ZNF550: variants seen among roughly 807,000 people sequenced by gnomAD.
The protein encoded by ZNF550 is zinc finger protein 550.
Under a neutral mutation model 40.2 loss-of-function variants are expected in ZNF550, and 42 were observed. That is an observed-to-expected ratio of 1.05 (90% CI 0.82 to 1.35). The LOEUF (loss-of-function observed/expected upper bound fraction) is 1.35. Ranked by LOEUF, ZNF550 falls within the 40% of genes most tolerant of loss-of-function variation. ZNF550 has a pLI of 0.00. For missense variants in ZNF550, 549 were observed against 525.2 expected, an observed-to-expected ratio of 1.05 and a Z score of -0.44; for synonymous variants, 223 against 198.6, an observed-to-expected ratio of 1.12 and a Z score of -1.03.
At chr19:57,559,715 A>T (rs1481275958) in exon 1 of ZNF550, 3 of 1,456,894 alleles carry the variant, frequency 2.1e-6, no homozygotes, top group Non-Finnish European at 2.7e-6. Context: ...CGCGTGGGGC[A>T]GCTCCCACGG....
chr19:57,547,600 T>C, exon 4 of ZNF550: 1 of 1,614,174 alleles, frequency 6.2e-7, no homozygotes, highest in Non-Finnish European at 8.5e-7. Context: ...GAGATACCAC[T>C]TCCTGTTAAA....
At chr19:57,543,071 C>G (rs895189524) in exon 5 of ZNF550, 3 of 208,506 alleles carry the variant, frequency 1.4e-5, no homozygotes, top group Admixed American at 1.3e-4. Context: ...CTATTAATTC[C>G]CTACACTCTT....
exon 4 of ZNF550, chr19:57,546,716 C>A (rs1057143084): frequency 1.8e-5 from 22 of 1,226,984 alleles, no homozygotes; most frequent in Admixed American, 7.5e-5. Flanking sequence ...TTCCACATTT[C>A]CCCCTGGTAT....
chr19:57,553,456 ACT>A (rs1156606398), intron 2 of ZNF550: 1 of 151,852 alleles, frequency 6.6e-6, no homozygotes, highest in Admixed American at 6.6e-5. Context: ...ACAGAGTCTC[ACT>A]CTGTTGCCCA....
intron 1 of ZNF550, among the ~76,000 whole-genome samples, chr19:57,558,568 G>C (rs1350146076): frequency 6.6e-6 from 1 of 152,124 alleles, no homozygotes; most frequent in East Asian, 1.9e-4. Context: ...TCCTAAACAG[G>C]CAACTAAATA....
intron 4 of ZNF550, chr19:57,544,538 A>C (rs2089991033): frequency 1.0e-6 from 1 of 985,300 alleles, no homozygotes; most frequent in Non-Finnish European, 1.2e-6. Context: ...GGGGTCCTCA[A>C]GAGTCAACTC....
At chr19:57,558,130 C>T (rs1457888244) in intron 1 of ZNF550, among the ~76,000 whole-genome samples, 1 of 152,064 alleles carries the variant, frequency 6.6e-6, no homozygotes, top group East Asian at 1.9e-4. Context: ...CCTCACCAAG[C>T]TGCCAGAGAG....
Position 57,549,186 on chromosome 19 carries a change from C to T in ZNF550, c.251-1193G>A, listed in dbSNP as rs149834086. On this transcript the variant is annotated intron_variant, in intron 3 of 4. Transcript: ENST00000457177. Reference sequence around the variant, plus strand: ...GGGTATAACGGGATTGTTTGTAACACAAAGAAAGGATAAATGCTTGAGGTG... The same window carrying T: ...GGGTATAACGGGATTGTTTGTAACATAAAGAAAGGATAAATGCTTGAGGTG... Among the ~76,000 whole-genome samples the T allele has an allele frequency of 3.1e-3, 479 of 152,234 alleles. 1 individual carries two copies. Among genetic ancestry groups the T allele is most frequent in the African/African-American group, 0.011 (443 of 41,552 alleles).
upstream of ZNF550, among the ~76,000 whole-genome samples, chr19:57,560,631 G>A (rs1316385122): frequency 6.6e-6 from 1 of 152,176 alleles, no homozygotes; most frequent in African/African-American, 2.4e-5. Context: ...CTTCTAATTA[G>A]GGGGTGGGAT....
chr19:57,545,097 AG>A (rs1376281671), intron 4 of ZNF550, among the ~76,000 whole-genome samples: 9 of 152,320 alleles, frequency 5.9e-5, no homozygotes, highest in Non-Finnish European at 1.3e-4. Flanking sequence ...ACTCCAGCCT[AG>A]GCAGCGGAGT....
At chr19:57,558,346 A>T (rs927319074) in intron 1 of ZNF550, among the ~76,000 whole-genome samples, 1 of 152,246 alleles carries the variant, frequency 6.6e-6, no homozygotes, top group Admixed American at 6.5e-5. Context: ...AGGAGAAAGA[A>T]GATGCGGTCA....
intron 1 of ZNF550, 151 bp from the exon 2 acceptor site, chr19:57,556,508 G>C: frequency 1.1e-6 from 1 of 944,026 alleles, no homozygotes; most frequent in Non-Finnish European, 1.6e-6. Flanking sequence ...GCTCAAAGGG[G>C]AGGCAGATAC....
At position 57,543,907 on chromosome 19, in the gene ZNF550, C is replaced by T. The variant is rs1330297045; in HGVS notation, c.*519-664G>A. ...GAGCTGAGATGGCGCCACTGCACTC[C>T]AGCCTGGGCAACAAGAGTGAAACTC... On this transcript the variant is annotated intron_variant, in intron 4 of 4. Coordinates refer to ENST00000457177, the Ensembl canonical transcript of ZNF550. The T allele has an allele frequency of 3.2e-6, 3 of 947,850 alleles. No individual in the cohort carries two copies. In the African/African-American group the frequency reaches 5.3e-5, roughly 17 times the overall value. 58.7% of individuals were successfully genotyped at this position (947,850 alleles called of 1,614,324 possible).
At chr19:57,544,664 A>G in intron 4 of ZNF550, 1 of 926,498 alleles carries the variant, frequency 1.1e-6, no homozygotes, top group Middle Eastern at 5.5e-4. Flanking sequence ...AGTAAAAGGT[A>G]CATGCCCACT....
At chr19:57,555,904 C>A in intron 2 of ZNF550, 1 of 321,792 alleles carries the variant, frequency 3.1e-6, no homozygotes, top group South Asian at 2.8e-5. Context: ...GCCTGACTCA[C>A]CCCTTTCTCT....
intron 1 of ZNF550, chr19:57,557,325 C>G (rs2090131351): frequency 6.6e-6 from 1 of 152,058 alleles, no homozygotes; most frequent in South Asian, 2.1e-4. Context: ...CAATACTGCT[C>G]TTTACTGCAC....
chr19:57,551,004 T>C (rs1250735982), intron 3 of ZNF550, among the ~76,000 whole-genome samples: 1 of 152,192 alleles, frequency 6.6e-6, no homozygotes, highest in Non-Finnish European at 1.5e-5. Flanking sequence ...ATTCACTTTC[T>C]GGTTTTGTAT....
chr19:57,552,448 A>G, intron 3 of ZNF550, 179 bp downstream of exon 3: 1 of 541,476 alleles, frequency 1.8e-6, no homozygotes, highest in African/African-American at 1.9e-5. Flanking sequence ...GTGTCTCTGA[A>G]TAATTGTGTG....
At chr19:57,543,198 C>A (rs192330487) in exon 5 of ZNF550, 1 of 952,498 alleles carries the variant, frequency 1.0e-6, no homozygotes, top group Non-Finnish European at 1.2e-6. Flanking sequence ...GTTTTTATTC[C>A]GTCAGCAATT....
Sources: gnomAD v4.1 joint callset for allele counts (sites outside exome capture counted in the v4.1 genomes callset) on GRCh38, gnomAD v4.1.1 for gene constraint, MANE v1.5 for transcripts, NCBI Gene and HGNC (gene_info 2026-07-23, HGNC 2026-07-21) for gene names.